Variants in PLEKHA6 observed in about 807,000 individuals in gnomAD.
PLEKHA6 encodes pleckstrin homology domain containing A6.
Under a neutral mutation model 116.7 loss-of-function variants are expected in PLEKHA6, and 60 were observed. The observed-to-expected ratio is 0.51, with a 90% CI of 0.42 to 0.64. PLEKHA6 has a LOEUF of 0.64. PLEKHA6 is among the 30% of genes least tolerant of loss of function. The pLI is 0.00. For missense variants in PLEKHA6, 1,338 were observed against 1,422.7 expected, an observed-to-expected ratio of 0.94 and a Z score of 0.96; for synonymous variants, 489 against 556.1, an observed-to-expected ratio of 0.88 and a Z score of 1.70.
chr1:204,372,714 C>T (rs1297830676), intron 1 of PLEKHA6, among the ~76,000 whole-genome samples: 1 of 152,154 alleles, frequency 6.6e-6, no homozygotes, highest in African/African-American at 2.4e-5. Flanking sequence ...AATTCCCAAA[C>T]TTTCTGTGTG....
chr1:204,229,123 G>T lies in PLEKHA6; in HGVS notation c.2584-19C>A. 2 of 1,606,494 alleles carry T rather than the reference G, an allele frequency of 1.2e-6. No individual in the cohort carries two copies. The highest frequency in any genetic ancestry group is 1.1e-5 in the South Asian group (1 of 90,980). On this transcript the variant is annotated intron_variant, in intron 18 of 22. Transcript: ENST00000272203. ...GGCGCACCTAGGGGACAGCAGCATC[G>T]TGATTGCACCATGGCTACCCATGCC...
At chr1:204,340,658 G>A (rs886603202) in intron 1 of PLEKHA6, among the ~76,000 whole-genome samples, 7 of 152,262 alleles carry the variant, frequency 4.6e-5, no homozygotes, top group East Asian at 3.9e-4. Context: ...GTGTTCACTC[G>A]TTGGCCAGCA....
At chr1:204,364,358 C>T (rs1031559746), upstream of PLEKHA6, among the ~76,000 whole-genome samples, 13 of 152,214 alleles carry the variant, frequency 8.5e-5, no homozygotes, top group Non-Finnish European at 1.8e-4. Context: ...TGGGAAGCAG[C>T]CGTGCCATCA....
intron 1 of PLEKHA6, among the ~76,000 whole-genome samples, chr1:204,333,026 T>C (rs1672514483): frequency 6.6e-6 from 1 of 152,208 alleles, no homozygotes; most frequent in Non-Finnish European, 1.5e-5. Flanking sequence ...AGGTTTCTGT[T>C]AGGCTCTGCA....
At chr1:204,226,742 T>G (rs911709660) in intron 21 of PLEKHA6, among the ~76,000 whole-genome samples, 1 of 152,176 alleles carries the variant, frequency 6.6e-6, no homozygotes, top group Non-Finnish European at 1.5e-5. Flanking sequence ...TGGCAGAAGG[T>G]TCTTCATTAA....
At position 204,223,438 on chromosome 1, in the gene PLEKHA6, G is replaced by T; in HGVS notation, c.*8+24C>A. The T allele has an allele frequency of 7.7e-7, 1 of 1,306,362 alleles. No individual in the cohort carries two copies. The highest frequency in any genetic ancestry group is 1.1e-6 in the Non-Finnish European group (1 of 922,876). 80.9% of individuals were successfully genotyped at this position (1,306,362 alleles called of 1,614,324 possible). A position where few individuals can be genotyped will look rare whatever the true frequency, so the allele number is the denominator to read the frequency against. On this transcript the variant is annotated intron_variant, in intron 22 of 22. Transcript: ENST00000272203. The surrounding 1 kb of genome is among the most constrained non-coding windows in gnomAD (Gnocchi z 4.8). ...AAGGGGCCCCACTCCCGAGGTGGATGAAATACAGTAGAAAAGTGCTTACGT... is the reference window on the plus strand; with the variant it reads ...AAGGGGCCCCACTCCCGAGGTGGATTAAATACAGTAGAAAAGTGCTTACGT...
Position 204,308,722 on chromosome 1 carries a change from G to GCT in PLEKHA6, c.-94-33915_-94-33914dup, listed in dbSNP as rs1215714656. Among the ~76,000 whole-genome samples the GCT allele has an allele frequency of 1.6e-4, 18 of 115,264 alleles. 1 individual carries two copies. The East Asian group carries it at 4.1e-3, about 26-fold the overall frequency. The allele number at this position is 115,264 out of a possible 152,430, so 75.6% of individuals were successfully genotyped here. ...TTTTTTTTTTTTGAGACAGAGTCTG[G>GCT]CTGTCGCCCAGGCTGGAGTGCAGTG... On this transcript the variant is annotated intron_variant, in intron 1 of 22. Transcript: ENST00000272203.
intron 1 of PLEKHA6, chr1:204,276,987 C>T (rs536656040): frequency 2.6e-5 from 4 of 152,756 alleles, no homozygotes; most frequent in East Asian, 3.9e-4. Context: ...CCGTGGAAGA[C>T]ATCCCTACCT....
Position 204,238,951 on chromosome 1 carries a change from C to G in PLEKHA6, c.2409+2424G>C, listed in dbSNP as rs1396629429. 2.0e-5 allele frequency among the ~76,000 whole-genome samples: 3 copies of G among 152,206 alleles called. No homozygotes were observed. Among genetic ancestry groups the G allele is most frequent in the Non-Finnish European group, 4.4e-5 (3 of 68,048 alleles). Reference sequence around the variant, plus strand: ...GTGCGATTATATACTGATTCATGGGCTGTAGCCAATGGTTTGGCTGGATGG... The same window carrying G: ...GTGCGATTATATACTGATTCATGGGGTGTAGCCAATGGTTTGGCTGGATGG... On this transcript the variant is annotated intron_variant, in intron 17 of 22. Coordinates refer to ENST00000272203, the MANE Select transcript of PLEKHA6 (RefSeq NM_014935.5). The surrounding 1 kb of genome is among the most constrained non-coding windows in gnomAD (Gnocchi z 4.2).
chr1:204,296,256 C>A (rs1348606439), intron 1 of PLEKHA6, among the ~76,000 whole-genome samples: 1 of 152,118 alleles, frequency 6.6e-6, no homozygotes, highest in Non-Finnish European at 1.5e-5. Context: ...CACTCACATG[C>A]GTGTGTTTCG....
intron 16 of PLEKHA6, 56 bp downstream of exon 16, chr1:204,241,629 G>A (rs1459440114): frequency 1.3e-6 from 2 of 1,521,816 alleles, no homozygotes. Context: ...GAGCACCCAG[G>A]GCTCCTCCCT....
chr1:204,299,365 G>C (rs1670591901), intron 1 of PLEKHA6, among the ~76,000 whole-genome samples: 1 of 152,242 alleles, frequency 6.6e-6, no homozygotes, highest in Non-Finnish European at 1.5e-5. Context: ...CAGGAAGAAA[G>C]AGGAGGGTCA....
chr1:204,283,242 C>T (rs555699564), intron 1 of PLEKHA6, among the ~76,000 whole-genome samples: 9 of 148,454 alleles, frequency 6.1e-5, no homozygotes, highest in African/African-American at 1.7e-4. Flanking sequence ...AGTTATGAAG[C>T]TGGCTGATCT....
At chr1:204,343,572 T>C (rs991778962) in intron 1 of PLEKHA6, among the ~76,000 whole-genome samples, 1 of 152,122 alleles carries the variant, frequency 6.6e-6, no homozygotes, top group Non-Finnish European at 1.5e-5. Flanking sequence ...CTTGAAACAA[T>C]GATAAACAAG....
upstream of PLEKHA6, among the ~76,000 whole-genome samples, chr1:204,362,418 C>A (rs1673578898): frequency 6.6e-6 from 1 of 152,170 alleles, no homozygotes; most frequent in Non-Finnish European, 1.5e-5. Context: ...GCTTCCCAGG[C>A]ACCTACTCAT....
chr1:204,255,505 G>A (rs1171832193), intron 9 of PLEKHA6: 1 of 641,776 alleles, frequency 1.6e-6, no homozygotes, highest in Admixed American at 2.5e-5. Flanking sequence ...AAGCCACTTT[G>A]TTGTGTCCTG....
At chr1:204,265,730 C>A (rs1368174320) in intron 5 of PLEKHA6, among the ~76,000 whole-genome samples, 1 of 152,220 alleles carries the variant, frequency 6.6e-6, no homozygotes, top group Non-Finnish European at 1.5e-5. Flanking sequence ...GCACTCAGAG[C>A]CTGCTTTGCC....
At chr1:204,308,003 A>G (rs1223652389) in intron 1 of PLEKHA6, 3 of 545,480 alleles carry the variant, frequency 5.5e-6, no homozygotes, top group East Asian at 1.5e-4. Context: ...TGGGTCTGAC[A>G]TATATAAATG....
At position 204,268,137 on chromosome 1, in the gene PLEKHA6, G is replaced by A. The variant is rs12089484; in HGVS notation, c.207+71C>T. The A allele has an allele frequency of 3.3e-3, 3,215 of 967,118 alleles. 75 individuals carry two copies. The African/African-American group carries it at 0.046, about 14-fold the overall frequency. The allele number at this position is 967,118 out of a possible 1,614,324, so 59.9% of individuals were successfully genotyped here. A position where few individuals can be genotyped will look rare whatever the true frequency, so the allele number is the denominator to read the frequency against. Reference sequence around the variant, plus strand: ...CAAAAAAATACACAGCCTGTCATAAGCACAGAGGAATCCTTATTCTGTGAG... The same window carrying A: ...CAAAAAAATACACAGCCTGTCATAAACACAGAGGAATCCTTATTCTGTGAG... On this transcript the variant is annotated intron_variant, in intron 4 of 22. Transcript: ENST00000272203.
Sources: gnomAD v4.1 joint callset for allele counts (sites outside exome capture counted in the v4.1 genomes callset) on GRCh38, gnomAD v4.1.1 for gene constraint, Gnocchi (gnomAD v3.1) non-coding constraint, MANE v1.5 for transcripts, NCBI Gene and HGNC (gene_info 2026-07-23, HGNC 2026-07-21) for gene names.